The following COL6A5 variants were observed in gnomAD, a reference collection of about 807,000 sequenced individuals.
COL6A5 encodes collagen type VI alpha 5 chain.
Under a neutral mutation model 65.6 loss-of-function variants are expected in COL6A5, and 48 were observed. The ratio of observed to expected loss-of-function variants is 0.73; its 90% CI spans 0.58 to 0.93. The LOEUF is 0.93. COL6A5 is among the 40% of genes least tolerant of loss of function. The pLI is 0.00. For synonymous variants in COL6A5, 291 were observed against 322.8 expected (o/e 0.90, Z 1.05); for missense variants, 914 against 928.3 (o/e 0.98, Z 0.20).
chr3:130,401,809 AG>A, exon 12 of COL6A5: 11 of 1,551,558 alleles, frequency 7.1e-6, no homozygotes, highest in Non-Finnish European at 9.6e-6. Flanking sequence ...GCAAATGTCC[AG>A]GAATTCCAGG....
At chr3:130,398,062 T>C in exon 10 of COL6A5, 1 of 1,551,054 alleles carries the variant, frequency 6.4e-7, no homozygotes, top group Non-Finnish European at 8.7e-7. Context: ...GTCTCCAGAG[T>C]GAAAGCAACA....
At chr3:130,476,980 G>A in intron 7 of COL6A5, 2 of 891,870 alleles carry the variant, frequency 2.2e-6, no homozygotes, top group Non-Finnish European at 3.6e-6. Flanking sequence ...TCTTTTTCTT[G>A]CACTCATGAA....
chr3:130,398,212 G>A, intron 10 of COL6A5, 101 bp downstream of exon 10: 1 of 769,362 alleles, frequency 1.3e-6, no homozygotes, highest in South Asian at 1.8e-5. Flanking sequence ...CTCACTGCAA[G>A]CTCCACCTTC....
chr3:130,367,483 A>T (rs1182328852), intron 1 of COL6A5, among the ~76,000 whole-genome samples: 3 of 152,004 alleles, frequency 2.0e-5, no homozygotes, highest in Non-Finnish European at 4.4e-5. Flanking sequence ...CTTCCTGAAT[A>T]CTCACTCTGC....
chr3:130,425,571 G>A (rs1479447355), intron 29 of COL6A5, among the ~76,000 whole-genome samples: 1 of 152,090 alleles, frequency 6.6e-6, no homozygotes, highest in East Asian at 1.9e-4. Context: ...TGAGAAAGAA[G>A]GACTGATTTC....
chr3:130,476,007 T>C (rs961879620), intron 7 of COL6A5, among the ~76,000 whole-genome samples: 14 of 152,042 alleles, frequency 9.2e-5, no homozygotes, highest in African/African-American at 3.4e-4. Flanking sequence ...GAATAAGGGG[T>C]AGATCAGAAA....
At chr3:130,440,278 G>A (rs781477282) in exon 3 of COL6A5, 2 of 1,607,822 alleles carry the variant, frequency 1.2e-6, no homozygotes, top group East Asian at 2.2e-5. Context: ...ATGAGTTTAA[G>A]GCTGTGAAAG....
intron 1 of COL6A5, among the ~76,000 whole-genome samples, chr3:130,350,964 G>T (rs370204733): frequency 7.2e-5 from 11 of 152,132 alleles, no homozygotes; most frequent in Non-Finnish European, 1.2e-4. Flanking sequence ...CCAAAACAGA[G>T]ATATAGACCA....
intron 25 of COL6A5, among the ~76,000 whole-genome samples, chr3:130,419,685 A>G (rs1019195224): frequency 3.9e-5 from 6 of 152,170 alleles, no homozygotes; most frequent in African/African-American, 7.2e-5. Context: ...ATACAACAAG[A>G]TCTCACTTAT....
intron 5 of COL6A5, among the ~76,000 whole-genome samples, chr3:130,463,249 C>T (rs1371141956): frequency 6.6e-6 from 1 of 152,134 alleles, no homozygotes. Flanking sequence ...CCTCACACAT[C>T]AAGTAGCCTC....
At chr3:130,358,713 T>C (rs577427673) in intron 1 of COL6A5, among the ~76,000 whole-genome samples, 1 of 152,310 alleles carries the variant, frequency 6.6e-6, no homozygotes, top group African/African-American at 2.4e-5. Context: ...AAATAAGGAC[T>C]TCCATATGTT....
At chr3:130,431,664 G>T in exon 1 of COL6A5, 1 of 1,551,576 alleles carries the variant, frequency 6.4e-7, no homozygotes. Context: ...TCATCCGCTG[G>T]TCTGACTACA....
chr3:130,469,105 A>G, exon 6 of COL6A5: 1 of 1,613,084 alleles, frequency 6.2e-7, no homozygotes, highest in Non-Finnish European at 8.5e-7. Flanking sequence ...ATAACAGTAT[A>G]CACCAAATGA....
At position 130,476,815 on chromosome 3, in the gene COL6A5, A is replaced by G. The variant is rs1710111087; in HGVS notation, c.2328+5848A>G. 9.6e-6 allele frequency: 6 copies of G among 622,284 alleles called. No individual in the cohort carries two copies. The Admixed American group carries it at 1.1e-4, about 11-fold the overall frequency. The allele number at this position is 622,284 out of a possible 1,614,324, so 38.5% of individuals were successfully genotyped here. A position where few individuals can be genotyped will look rare whatever the true frequency, so the allele number is the denominator to read the frequency against. On this transcript the variant is annotated intron_variant, in intron 7 of 7. Coordinates refer to ENST00000512836, the Ensembl canonical transcript of COL6A5. ...ATTATTTTCTCCAAAAGTTTTCTGC[A>G]TTTTTCTGTTGTAATGATATTATAT...
At chr3:130,370,920 A>T (rs1935529857) in intron 1 of COL6A5, among the ~76,000 whole-genome samples, 1 of 152,190 alleles carries the variant, frequency 6.6e-6, no homozygotes, top group African/African-American at 2.4e-5. Context: ...GTGGGCATGA[A>T]TGGCCACCTG....
rs1937356171 is a variant in COL6A5, at chr3:130,416,778, G to A, written c.4846G>A (p.Ala1616Thr). 2.0e-6 allele frequency: 3 copies of A among 1,535,676 alleles called. No individual in the cohort carries two copies. The East Asian group carries it at 7.4e-5, about 38-fold the overall frequency. Residue 1616 changes from alanine to threonine, a missense_variant and NMD_transcript_variant, in exon 24 of 42, where the codon GCT becomes ACT. By Grantham distance (58) the Ala-to-Thr change is moderately conservative (BLOSUM62 0). Coordinates refer to the COL6A5 transcript ENST00000312481. Reference sequence around the variant, plus strand: ...TCAGGGTTCTCCTGGGCTAATGGGAGCTAAAGGGAGCACTGGAAGACCTGG... The same window carrying A: ...TCAGGGTTCTCCTGGGCTAATGGGAACTAAAGGGAGCACTGGAAGACCTGG...
At chr3:130,470,105 TCTC>T (rs1709911589) in intron 6 of COL6A5, among the ~76,000 whole-genome samples, 1 of 152,070 alleles carries the variant, frequency 6.6e-6, no homozygotes, top group Non-Finnish European at 1.5e-5. Flanking sequence ...TAGGGACAAA[TCTC>T]CTCTACAGCC....
intron 2 of COL6A5, among the ~76,000 whole-genome samples, 163 bp downstream of exon 34, chr3:130,439,778 G>A (rs1709131172): frequency 6.6e-6 from 1 of 152,154 alleles, no homozygotes; most frequent in African/African-American, 2.4e-5. Flanking sequence ...TCTCTGGAAT[G>A]TTTGGAGTTT....
rs1175118112 is a variant in COL6A5 at position 130,362,312 on chromosome 3, ATATATATATATATATTTTTTTTTTTTTT to A, written c.-28-11297_-28-11270del. On this transcript the variant is annotated intron_variant and NMD_transcript_variant, in intron 1 of 41. Transcript: ENST00000312481. ...TCCATATATATATATATATATATAT[ATATATATATATATATTTTTTTTTTTTTT>A]TTTTTTTGCATGTGGATGTCTGGTT... Among the ~76,000 whole-genome samples the A allele has an allele frequency of 6.6e-3, 91 of 13,854 alleles. 3 individuals carry two copies. The highest frequency in any genetic ancestry group is 0.023 in the African/African-American group (84 of 3,618). The allele number at this position is 13,854 out of a possible 152,430, so 9.1% of individuals were successfully genotyped here. A position where few individuals can be genotyped will look rare whatever the true frequency, so the allele number is the denominator to read the frequency against.
Sources: allele counts gnomAD v4.1 joint callset (sites outside exome capture counted in the v4.1 genomes callset), GRCh38; gene constraint gnomAD v4.1.1; transcripts MANE v1.5; gene names NCBI Gene and HGNC (gene_info 2026-07-23, HGNC 2026-07-21).